WWOX: variants seen among roughly 807,000 people sequenced by gnomAD.
WWOX encodes the protein WW domain containing oxidoreductase.
WWOX carries 69 observed loss-of-function variants against 46.2 expected under a neutral mutation model. The observed-to-expected ratio is 1.49, with a 90% confidence interval of 1.23 to 1.82. The LOEUF (loss-of-function observed/expected upper bound fraction) is 1.82, where lower values mean the gene tolerates loss of function less well. WWOX is among the 40% of genes most tolerant of loss of function. The pLI is 0.00. For missense variants in WWOX, 919 were observed against 542.6 expected, an observed-to-expected ratio of 1.69 and a Z score of -6.89; for synonymous variants, 359 against 202.6, an observed-to-expected ratio of 1.77 and a Z score of -6.56.
At chr16:78,153,812 C>T (rs966225307) in intron 4 of WWOX, among the ~76,000 whole-genome samples, 1 of 152,094 alleles carries the variant, frequency 6.6e-6, no homozygotes, top group Non-Finnish European at 1.5e-5. Flanking sequence ...GGGACACTGC[C>T]CAAGTACATC....
At chr16:79,152,414 G>T (rs1029692686) in intron 8 of WWOX, among the ~76,000 whole-genome samples, 1 of 152,168 alleles carries the variant, frequency 6.6e-6, no homozygotes, top group Non-Finnish European at 1.5e-5. Flanking sequence ...TCTCATGCCT[G>T]TAATCCCAGC....
chr16:79,205,646 C>A (rs1433510905), intron 8 of WWOX: 1 of 152,126 alleles, frequency 6.6e-6, no homozygotes, highest in Non-Finnish European at 1.5e-5. Flanking sequence ...TAAGAATAGC[C>A]TGTGAGTTAG....
intron 6 of WWOX, among the ~76,000 whole-genome samples, chr16:78,417,725 G>C (rs576464897): frequency 4.1e-4 from 62 of 152,296 alleles, no homozygotes; most frequent in Non-Finnish European, 6.0e-4. Flanking sequence ...AGAGTCTAAT[G>C]AGTGTTACAG....
rs1343054507 is a variant in WWOX at position 78,397,064 on chromosome 16, G to C, written c.605+10116G>C. On this transcript the variant is annotated intron_variant, in intron 6 of 8. Transcript: ENST00000566780. ...TGTTAGGTCTGGTCAAGGTAAATAA[G>C]TGTTGAGAGTCGATGTTGTGTGCAT... Among the ~76,000 whole-genome samples the C allele has an allele frequency of 2.6e-5, 4 of 152,174 alleles. No individual in the cohort carries two copies. The East Asian group carries it at 5.8e-4, about 22-fold the overall frequency.
intron 8 of WWOX, among the ~76,000 whole-genome samples, chr16:79,010,553 A>G (rs572968311): frequency 6.6e-6 from 1 of 152,338 alleles, no homozygotes; most frequent in Admixed American, 6.5e-5. Flanking sequence ...GGTGTGGCAA[A>G]GAAACAGACA....
intron 8 of WWOX, among the ~76,000 whole-genome samples, chr16:79,098,074 G>T (rs543482839): frequency 6.6e-6 from 1 of 152,208 alleles, no homozygotes; most frequent in South Asian, 2.1e-4. Context: ...TGATTCCTAG[G>T]TACATCAAGT....
intron 8 of WWOX, among the ~76,000 whole-genome samples, chr16:78,987,482 T>A (rs572774363): frequency 2.0e-5 from 3 of 152,316 alleles, no homozygotes; most frequent in African/African-American, 7.2e-5. Context: ...ATGAGACAAA[T>A]GGATTGTGAA....
intron 8 of WWOX, among the ~76,000 whole-genome samples, chr16:78,606,633 A>G (rs576776293): frequency 6.6e-6 from 1 of 151,924 alleles, no homozygotes; most frequent in East Asian, 1.9e-4. Context: ...AATCAGTGAC[A>G]CGAAGTTGAA....
At chr16:78,672,429 C>G (rs982988786) in intron 8 of WWOX, among the ~76,000 whole-genome samples, 1 of 152,152 alleles carries the variant, frequency 6.6e-6, no homozygotes, top group Non-Finnish European at 1.5e-5. Context: ...GTGATTTTGA[C>G]TAAGACTGGA....
chr16:78,471,042 G>C (rs2667551), intron 8 of WWOX, among the ~76,000 whole-genome samples: 59,343 of 152,090 alleles, frequency 0.39, 14,394 homozygotes, highest in African/African-American at 0.69. Flanking sequence ...GGCATTGCTG[G>C]TATTTTCACT....
chr16:78,949,221 C>G (rs1190417980), intron 8 of WWOX, among the ~76,000 whole-genome samples: 1 of 152,192 alleles, frequency 6.6e-6, no homozygotes, highest in African/African-American at 2.4e-5. Flanking sequence ...TGTGAGTGGC[C>G]TTGTGAGACC....
At chr16:78,399,193 A>T (rs1274991725) in intron 6 of WWOX, among the ~76,000 whole-genome samples, 1 of 152,198 alleles carries the variant, frequency 6.6e-6, no homozygotes, top group East Asian at 1.9e-4. Flanking sequence ...GGAACGGAAG[A>T]AGAGGGAAGA....
intron 8 of WWOX, among the ~76,000 whole-genome samples, chr16:78,982,495 A>G (rs1304154089): frequency 1.3e-5 from 2 of 152,182 alleles, no homozygotes; most frequent in Admixed American, 1.3e-4. Flanking sequence ...GTTCATTTTC[A>G]TAGTGGTGTG....
intron 8 of WWOX, among the ~76,000 whole-genome samples, chr16:78,910,966 ATGTGT>A (rs997263634): frequency 3.9e-5 from 6 of 152,046 alleles, no homozygotes; most frequent in South Asian, 4.1e-4. Flanking sequence ...TTTCAAAATA[ATGTGT>A]TGTGCACAAT....
chr16:78,774,493 A>ATT (rs1491361364), intron 8 of WWOX, among the ~76,000 whole-genome samples: 1 of 122,230 alleles, frequency 8.2e-6, no homozygotes, highest in African/African-American at 3.2e-5. Flanking sequence ...TGACAGACCC[A>ATT]TTTTGTGTGT....
intron 8 of WWOX, among the ~76,000 whole-genome samples, chr16:78,827,525 G>C (rs1258759857): frequency 6.6e-6 from 1 of 152,068 alleles, no homozygotes; most frequent in Non-Finnish European, 1.5e-5. Context: ...AAAGGAGCTG[G>C]AAGAGTGAGG....
chr16:78,194,825 C>T (rs753841059), intron 5 of WWOX, among the ~76,000 whole-genome samples: 2 of 152,230 alleles, frequency 1.3e-5, no homozygotes, highest in East Asian at 3.9e-4. Flanking sequence ...TTCCTCTACT[C>T]TTTTTATTCT....
rs572696920 is a variant in WWOX, at chr16:79,147,649, T to G, written c.1057-63959T>G. Among the ~76,000 whole-genome samples, 21 of 152,328 alleles carry G rather than the reference T, an allele frequency of 1.4e-4. No individual in the cohort carries two copies. In the South Asian group the frequency reaches 4.4e-3, roughly 32 times the overall value. On this transcript the variant is annotated intron_variant, in intron 8 of 8. Transcript: ENST00000566780. The stretch of plus-strand genomic sequence containing the variant: ...GTGGGTTGTAGGGTAATGACATGAT[T>G]AGTTTGTATAAGAAACTGTCAAGCT...
At chr16:78,124,174 T>C (rs921194680) in intron 4 of WWOX, 9 of 151,788 alleles carry the variant, frequency 5.9e-5, no homozygotes, top group Middle Eastern at 3.4e-3. Context: ...ATTTATATAA[T>C]TTTTTTTTCA....
Sources: gnomAD v4.1 joint callset for allele counts (sites outside exome capture counted in the v4.1 genomes callset) on GRCh38, gnomAD v4.1.1 for gene constraint, MANE v1.5 for transcripts, NCBI Gene and HGNC (gene_info 2026-07-23, HGNC 2026-07-21) for gene names.